The following PIK3CB variants were observed in gnomAD, a reference collection of about 807,000 sequenced individuals.
PIK3CB encodes phosphatidylinositol-4,5-bisphosphate 3-kinase catalytic subunit beta.
PIK3CB carries 39 observed loss-of-function variants against 136.8 expected under a neutral mutation model. The ratio of observed to expected loss-of-function variants is 0.29; its 90% CI spans 0.22 to 0.37. The LOEUF is 0.37. Ranked by LOEUF, PIK3CB falls within the 10% of genes least tolerant of loss-of-function variation. The probability of loss-of-function intolerance (pLI) is 1.00; values close to 1 mark genes in which losing one functional copy is unlikely to be tolerated. For synonymous variants in PIK3CB, 428 were observed against 436.6 expected (o/e 0.98, Z 0.25); for missense variants, 868 against 1,275.4 (o/e 0.68, Z 4.87).
chr3:138,807,923 G>C (rs185250913), intron 1 of PIK3CB, among the ~76,000 whole-genome samples: 2 of 150,922 alleles, frequency 1.3e-5, no homozygotes, highest in African/African-American at 4.9e-5. Flanking sequence ...TGGCTTCCAA[G>C]ATGCCTTCTC....
intron 1 of PIK3CB, among the ~76,000 whole-genome samples, chr3:138,801,046 TACTC>T (rs1198329329): frequency 1.3e-5 from 2 of 152,194 alleles, no homozygotes; most frequent in African/African-American, 4.8e-5. Context: ...TCTTTCTTCT[TACTC>T]AATTCATTAT....
chr3:138,792,616 A>C (rs916429090), intron 2 of PIK3CB, among the ~76,000 whole-genome samples: 1 of 152,224 alleles, frequency 6.6e-6, no homozygotes, highest in Non-Finnish European at 1.5e-5. Flanking sequence ...TTTACTCAGA[A>C]GAGGTAAGAA....
At chr3:138,777,422 C>T (rs2045870739) in intron 2 of PIK3CB, among the ~76,000 whole-genome samples, 1 of 152,210 alleles carries the variant, frequency 6.6e-6, no homozygotes, top group South Asian at 2.1e-4. Flanking sequence ...AGGACAGACA[C>T]ATGGGAGAGG....
chr3:138,748,333 G>A (rs1284883921), intron 4 of PIK3CB, among the ~76,000 whole-genome samples: 1 of 151,948 alleles, frequency 6.6e-6, no homozygotes, highest in African/African-American at 2.4e-5. Flanking sequence ...CCAGCTCCCT[G>A]CTGCCAATAA....
intron 2 of PIK3CB, among the ~76,000 whole-genome samples, chr3:138,785,770 T>C (rs1481704627): frequency 6.7e-6 from 1 of 150,158 alleles, no homozygotes; most frequent in Admixed American, 6.7e-5. Context: ...TATTGTCCTA[T>C]GACCCTGCCA....
Position 138,655,176 on chromosome 3 carries a change from CATG to C in PIK3CB, c.*210_*212del. 2 of 508,942 alleles carry C rather than the reference CATG, an allele frequency of 3.9e-6. No individual in the cohort carries two copies. The highest frequency in any genetic ancestry group is 6.3e-5 in the South Asian group (2 of 31,506). 31.5% of individuals were successfully genotyped at this position (508,942 alleles called of 1,614,324 possible). On this transcript the variant is annotated 3_prime_UTR_variant, in exon 24 of 24. Transcript: ENST00000674063. ...GAAATGATTATCCATTGACAGTTTT[CATG>C]ATAAGTCTTGGAAGCATTCAAAAAG... is the stretch of plus-strand genomic sequence containing the variant.
chr3:138,678,437 C>T (rs1181964673), intron 19 of PIK3CB, among the ~76,000 whole-genome samples: 3 of 151,614 alleles, frequency 2.0e-5, no homozygotes, highest in Admixed American at 2.0e-4. Context: ...TTTAAAACCC[C>T]TATCAATCCA....
intron 2 of PIK3CB, among the ~76,000 whole-genome samples, chr3:138,772,136 T>C (rs886533565): frequency 6.6e-6 from 1 of 152,086 alleles, no homozygotes; most frequent in Admixed American, 6.6e-5. Flanking sequence ...CAAGAATATG[T>C]GGCAATGTTT....
At chr3:138,817,113 C>T (rs1453912654) in intron 1 of PIK3CB, among the ~76,000 whole-genome samples, 1 of 150,650 alleles carries the variant, frequency 6.6e-6, no homozygotes, top group South Asian at 2.1e-4. Context: ...CCGAGGCGGG[C>T]GGATCACGAG....
intron 15 of PIK3CB, among the ~76,000 whole-genome samples, chr3:138,689,560 G>C (rs1231450416): frequency 1.3e-5 from 2 of 152,126 alleles, no homozygotes; most frequent in Non-Finnish European, 2.9e-5. Flanking sequence ...CAAAGTGCTG[G>C]GAACAGGCAT....
At chr3:138,781,920 T>C (rs2045928156) in intron 2 of PIK3CB, among the ~76,000 whole-genome samples, 1 of 152,148 alleles carries the variant, frequency 6.6e-6, no homozygotes, top group Non-Finnish European at 1.5e-5. Context: ...AGACACTGTC[T>C]CAAAAAAATT....
At chr3:138,794,692 C>T (rs2046089425) in intron 2 of PIK3CB, among the ~76,000 whole-genome samples, 1 of 152,064 alleles carries the variant, frequency 6.6e-6, no homozygotes, top group African/African-American at 2.4e-5. Context: ...AAACAGAGGT[C>T]CATTTCTCAT....
chr3:138,731,941 C>A (rs1291229848), intron 8 of PIK3CB, among the ~76,000 whole-genome samples: 1 of 151,764 alleles, frequency 6.6e-6, no homozygotes, highest in Non-Finnish European at 1.5e-5. Context: ...CGAGTTCATG[C>A]CACTGCGCTC....
chr3:138,730,813 T>A (rs2044955856), intron 8 of PIK3CB, among the ~76,000 whole-genome samples: 1 of 152,090 alleles, frequency 6.6e-6, no homozygotes. Context: ...ATACCTGTAG[T>A]CCTAGCTACT....
intron 13 of PIK3CB, 135 bp from the exon 14 acceptor site, chr3:138,695,042 T>C (rs922925900): frequency 1.0e-5 from 7 of 694,158 alleles, no homozygotes; most frequent in Middle Eastern, 2.5e-4. Flanking sequence ...CAAAAATCCA[T>C]TCCTGTTAAT....
At chr3:138,793,381 G>A (rs569616991) in intron 2 of PIK3CB, among the ~76,000 whole-genome samples, 2 of 152,238 alleles carry the variant, frequency 1.3e-5, no homozygotes, top group East Asian at 1.9e-4. Flanking sequence ...CGAGGGGGGC[G>A]GATCCCGCGA....
In PIK3CB at chr3:138,699,105, T is replaced by G; in HGVS notation, c.1582-10A>C. The G allele has an allele frequency of 1.3e-6, 2 of 1,497,680 alleles. No individual in the cohort carries two copies. Among genetic ancestry groups the G allele is most frequent in the Non-Finnish European group, 1.8e-6 (2 of 1,095,310 alleles). The allele number at this position is 1,497,680 out of a possible 1,614,324, so 92.8% of individuals were successfully genotyped here. ...TTTTTCCACCTCGACTCTAAAAAAG[T>G]AAAATGCTCATTATAGAATTTAATT... On this transcript the variant is annotated splice_polypyrimidine_tract_variant and intron_variant, in intron 12 of 23. Transcript: ENST00000674063.
chr3:138,813,331 T>G lies in PIK3CB; in HGVS notation c.-121-16764A>C, dbSNP rs564683804. The stretch of plus-strand genomic sequence containing the variant: ...ACAGTTCCCAAAGATCTAAAAAACC[T>G]CAGAGTCAAAGCTTAAAAAGTTAGC... On this transcript the variant is annotated intron_variant, in intron 1 of 23. Transcript: ENST00000674063. Among the ~76,000 whole-genome samples, 6 of 152,100 alleles carry G rather than the reference T, an allele frequency of 3.9e-5. 1 individual carries two copies. In the South Asian group the frequency reaches 1.2e-3, roughly 32 times the overall value.
chr3:138,721,401 G>A (rs1258624864), intron 8 of PIK3CB, among the ~76,000 whole-genome samples: 1 of 152,138 alleles, frequency 6.6e-6, no homozygotes, highest in African/African-American at 2.4e-5. Flanking sequence ...CTGACCTCAG[G>A]TGTTCCACTT....
Sources: allele counts gnomAD v4.1 joint callset (sites outside exome capture counted in the v4.1 genomes callset), GRCh38; gene constraint gnomAD v4.1.1; transcripts MANE v1.5; gene names NCBI Gene and HGNC (gene_info 2026-07-23, HGNC 2026-07-21).